The following NCKAP1 variants were observed in gnomAD, a reference collection of about 807,000 sequenced individuals.
NCKAP1 encodes the protein nck-associated protein 1.
Under a neutral mutation model 151.2 loss-of-function variants are expected in NCKAP1, and 21 were observed. That is an observed-to-expected ratio of 0.14 (90% confidence interval 0.10 to 0.20). The LOEUF (loss-of-function observed/expected upper bound fraction) is 0.20. NCKAP1 is among the 10% of genes least tolerant of loss of function. The probability of loss-of-function intolerance (pLI) is 1.00; values close to 1 mark genes in which losing one functional copy is unlikely to be tolerated. For missense variants in NCKAP1, 933 were observed against 1,352.1 expected (o/e 0.69, Z 4.86); for synonymous variants, 484 against 451.8 (o/e 1.07, Z -0.90).
chr2:182,991,786 A>T (rs1230037086), intron 8 of NCKAP1, among the ~76,000 whole-genome samples: 1 of 152,142 alleles, frequency 6.6e-6, no homozygotes, highest in African/African-American at 2.4e-5. Flanking sequence ...ACAAGGCAGA[A>T]ATTAGTAATC....
Position 182,919,962 on chromosome 2 carries a change from T to C in NCKAP1, c.*5740A>G, listed in dbSNP as rs1378840461. The stretch of plus-strand genomic sequence containing the variant: ...CCACCGCGTCTGGCCTTAATTATTA[T>C]CGAGACCGGCTCTTGCTCTGTCACC... On this transcript the variant is annotated 3_prime_UTR_variant, in exon 31 of 31. Transcript: ENST00000361354. The C allele has an allele frequency of 6.6e-6, 1 of 152,158 alleles. No homozygotes were observed. Among genetic ancestry groups the C allele is most frequent in the Non-Finnish European group, 1.5e-5 (1 of 68,088 alleles). 9.4% of individuals were successfully genotyped at this position (152,158 alleles called of 1,614,324 possible).
intron 18 of NCKAP1, among the ~76,000 whole-genome samples, chr2:182,959,202 TC>T (rs1363001554): frequency 2.0e-5 from 3 of 152,200 alleles, no homozygotes; most frequent in African/African-American, 7.2e-5. Context: ...ACATTGCATT[TC>T]TATTGTGACA....
intron 15 of NCKAP1, among the ~76,000 whole-genome samples, chr2:182,971,514 A>C (rs1438624674): frequency 1.3e-5 from 2 of 152,116 alleles, no homozygotes; most frequent in Non-Finnish European, 2.9e-5. Context: ...AATACCAATG[A>C]CATTCTTTAC....
chr2:183,004,165 C>A (rs775595472), intron 2 of NCKAP1, among the ~76,000 whole-genome samples: 2 of 152,128 alleles, frequency 1.3e-5, no homozygotes, highest in Non-Finnish European at 2.9e-5. Flanking sequence ...AGGCCTACCT[C>A]AGATCTACTG....
intron 9 of NCKAP1, 135 bp downstream of exon 9, chr2:182,988,895 C>T: frequency 1.6e-6 from 1 of 630,588 alleles, no homozygotes; most frequent in East Asian, 3.0e-5. Flanking sequence ...AAACAACTTC[C>T]TGGGATCCAA....
intron 2 of NCKAP1, among the ~76,000 whole-genome samples, chr2:183,018,155 G>A (rs919374781): frequency 5.9e-5 from 9 of 152,120 alleles, no homozygotes; most frequent in African/African-American, 1.9e-4. Flanking sequence ...GCTGAGGCAG[G>A]AGAATCGCTT....
chr2:182,998,903 C>CA (rs1197526222), intron 6 of NCKAP1, among the ~76,000 whole-genome samples: 36 of 137,372 alleles, frequency 2.6e-4, no homozygotes, highest in Non-Finnish European at 4.3e-4. Context: ...CTAATAGCCA[C>CA]AAAAAAATAA....
chr2:182,964,888 T>C, intron 16 of NCKAP1, 80 bp from the exon 17 acceptor site: 1 of 1,118,978 alleles, frequency 8.9e-7, no homozygotes, highest in Non-Finnish European at 1.2e-6. Flanking sequence ...TTAATTTGAT[T>C]CAAGTGAATG....
chr2:182,942,873 C>G (rs192948205), intron 23 of NCKAP1, among the ~76,000 whole-genome samples: 2 of 152,086 alleles, frequency 1.3e-5, no homozygotes, highest in African/African-American at 4.8e-5. Flanking sequence ...TAATTTCATT[C>G]TGTCAGAGAT....
intron 23 of NCKAP1, among the ~76,000 whole-genome samples, chr2:182,945,620 C>T (rs1409854854): frequency 6.6e-6 from 1 of 152,116 alleles, no homozygotes. Context: ...TTCTTTGATC[C>T]ACTTTTAGAA....
chr2:182,965,852 A>T (rs1238824804), intron 16 of NCKAP1, among the ~76,000 whole-genome samples: 1 of 152,194 alleles, frequency 6.6e-6, no homozygotes, highest in East Asian at 1.9e-4. Flanking sequence ...CCAGACAGAC[A>T]GTAGTCCTGG....
At position 182,957,158 on chromosome 2, in the gene NCKAP1, A is replaced by G. The variant is rs530132622; in HGVS notation, c.2021+299T>C. On this transcript the variant is annotated intron_variant, in intron 19 of 30. Coordinates refer to ENST00000361354, the MANE Select transcript of NCKAP1 (RefSeq NM_013436.5). ...CTATCTAACTTTAAATAAATTAAAA[A>G]TTACAGATTGCTTATAATGTAACAC... 39 of 219,368 alleles carry G rather than the reference A, an allele frequency of 1.8e-4. 1 individual carries two copies. The highest frequency in any genetic ancestry group is 8.9e-4 in the African/African-American group (39 of 43,816). The allele number at this position is 219,368 out of a possible 1,614,324, so 13.6% of individuals were successfully genotyped here.
chr2:182,984,137 T>A (rs1418541351), intron 10 of NCKAP1, among the ~76,000 whole-genome samples: 2 of 152,124 alleles, frequency 1.3e-5, no homozygotes, highest in Admixed American at 1.3e-4. Flanking sequence ...GTTATCTATA[T>A]TCTTATTAAG....
chr2:183,037,776 C>T (rs1035037397), intron 1 of NCKAP1, among the ~76,000 whole-genome samples: 1 of 152,028 alleles, frequency 6.6e-6, no homozygotes, highest in African/African-American at 2.4e-5. Context: ...GAAATGGCTT[C>T]TCTGCCTTCG....
At chr2:182,968,115 A>G (rs1219858963) in intron 15 of NCKAP1, among the ~76,000 whole-genome samples, 1 of 152,238 alleles carries the variant, frequency 6.6e-6, no homozygotes, top group Non-Finnish European at 1.5e-5. Context: ...AACAGCCTGT[A>G]TACCACGTTA....
chr2:182,973,069 T>C (rs1434039176), intron 15 of NCKAP1, among the ~76,000 whole-genome samples: 2 of 152,152 alleles, frequency 1.3e-5, no homozygotes, highest in Admixed American at 6.5e-5. Context: ...ATGATATGTG[T>C]TTGAGGTGAT....
At chr2:183,014,198 C>T (rs1045669135) in intron 2 of NCKAP1, among the ~76,000 whole-genome samples, 4 of 151,984 alleles carry the variant, frequency 2.6e-5, no homozygotes, top group East Asian at 1.9e-4. Context: ...TCATAGAAGG[C>T]GCTCAATAAA....
Position 182,925,841 on chromosome 2 carries a change from CAAAACAAGTTATTTATAACTTGTTTATA to C in NCKAP1, c.3271-51_3271-24del, listed in dbSNP as rs774556269. 9 of 1,326,296 alleles carry C rather than the reference CAAAACAAGTTATTTATAACTTGTTTATA, an allele frequency of 6.8e-6. No homozygotes were observed. In the East Asian group the frequency reaches 2.3e-4, roughly 33 times the overall value. 82.2% of individuals were successfully genotyped at this position (1,326,296 alleles called of 1,614,324 possible). A position where few individuals can be genotyped will look rare whatever the true frequency, so the allele number is the denominator to read the frequency against. ...AATCTGTAAAATTCAAAAAATCCAT[CAAAACAAGTTATTTATAACTTGTTTATA>C]AACAAAAATCATAAGTTATTTATAA... On this transcript the variant is annotated intron_variant, in intron 30 of 30. Coordinates refer to ENST00000361354, the MANE Select transcript of NCKAP1 (RefSeq NM_013436.5).
At chr2:182,941,148 G>A (rs1327823574) in intron 24 of NCKAP1, among the ~76,000 whole-genome samples, 1 of 148,678 alleles carries the variant, frequency 6.7e-6, no homozygotes, top group East Asian at 2.0e-4. Flanking sequence ...TTTTTTTAGT[G>A]TTGAGAAGGC....
Sources: gnomAD v4.1 joint callset for allele counts (sites outside exome capture counted in the v4.1 genomes callset) on GRCh38, gnomAD v4.1.1 for gene constraint, MANE v1.5 for transcripts, NCBI Gene and HGNC (gene_info 2026-07-23, HGNC 2026-07-21) for gene names.